Variants in CELF2 observed in about 807,000 individuals in gnomAD.
CELF2 encodes CUG triplet repeat RNA-binding protein 2.
In CELF2, 8 loss-of-function variants were observed where a neutral mutation model predicts 62.6. The ratio of observed to expected loss-of-function variants is 0.13; its 90% CI spans 0.07 to 0.23. The LOEUF (loss-of-function observed/expected upper bound fraction) is 0.23. Among genes scored for constraint, CELF2 ranks in the 10% least tolerant of loss-of-function variants. The probability of loss-of-function intolerance (pLI) is 1.00; values close to 1 mark genes in which losing one functional copy is unlikely to be tolerated. For missense variants in CELF2, 333 were observed against 671.0 expected (o/e 0.50, Z 5.56); for synonymous variants, 258 against 250.0 (o/e 1.03, Z -0.30).
chr10:11,041,471 G>T (rs1001737531), intron 1 of CELF2, among the ~76,000 whole-genome samples: 2 of 152,178 alleles, frequency 1.3e-5, no homozygotes, highest in African/African-American at 4.8e-5. Flanking sequence ...TTTAAACTCT[G>T]AGCAGGTTCA....
In CELF2 at chr10:11,306,216, G is replaced by A. The variant is rs1335459902; in HGVS notation, c.977-7923G>A. On this transcript the variant is annotated intron_variant, in intron 9 of 12. Transcript: ENST00000633077. The surrounding 1 kb of genome is among the most constrained non-coding windows in gnomAD (Gnocchi z 4.4). ...TGCTTGGATGGTGCAGCCTCTGCTT[G>A]AAGAGGTGTTCTGGGAGATTATGAA... 6.6e-6 allele frequency among the ~76,000 whole-genome samples: 1 copy of A among 151,934 alleles called. No individual in the cohort carries two copies. The highest frequency in any genetic ancestry group is 1.9e-4 in the East Asian group (1 of 5,158).
chr10:11,328,982 G>A lies in CELF2; in HGVS notation c.1495G>A (p.Gly499Ser). Residue 499 changes from glycine (G) to serine (S), a missense_variant, in exon 13 of 13, where the codon GGC becomes AGC. Around this residue, in one of 3 missense-constraint regions of CELF2, gnomAD observed 35 missense variants for 128.1 expected, o/e 0.27. Coordinates refer to ENST00000633077, the MANE Select transcript of CELF2 (RefSeq NM_001326342.2). The surrounding 1 kb of genome is among the most constrained non-coding windows in gnomAD (Gnocchi z 6.4). ...SAQAAIQAMN[G>S]FQIGMKRLKV... ...ACAAGCTGCTATCCAAGCTATGAAT[G>A]GCTTTCAGATCGGCATGAAACGCTT... is the stretch of plus-strand genomic sequence containing the variant. The A allele has an allele frequency of 1.9e-6, 3 of 1,613,798 alleles. No individual in the cohort carries two copies. The highest frequency in any genetic ancestry group is 2.5e-6 in the Non-Finnish European group (3 of 1,179,760).
At chr10:10,804,975 A>T (rs947611525) in intron 1 of CELF2, among the ~76,000 whole-genome samples, 1 of 152,228 alleles carries the variant, frequency 6.6e-6, no homozygotes, top group Non-Finnish European at 1.5e-5. Context: ...GGTTGCATGG[A>T]TGCTCTGCTT....
intron 2 of CELF2, among the ~76,000 whole-genome samples, chr10:11,202,901 ATCTCTCTCTCTCTCTCTCTCTCTCTC>A (rs56373613): frequency 1.4e-5 from 1 of 70,924 alleles, no homozygotes; most frequent in African/African-American, 6.3e-5. Flanking sequence ...CCCCATCCTC[ATCTCTCTCTCTCTCTCTCTCTCTCTC>A]TCTCTCTCTC....
At position 11,232,362 on chromosome 10, in the gene CELF2, A is replaced by G. The variant is rs569089978; in HGVS notation, c.354+14855A>G. Among the ~76,000 whole-genome samples the G allele has an allele frequency of 3.3e-5, 5 of 152,262 alleles. No homozygotes were observed. The East Asian group carries it at 9.6e-4, about 29-fold the overall frequency. On this transcript the variant is annotated intron_variant, in intron 3 of 12. Transcript: ENST00000633077. ...ACATTTTTGGAGACTCATAAGCCTC[A>G]TTGTTTTCTCATCAGTGACAACTTT...
chr10:10,635,504 C>G, the CELF2 span, among the ~76,000 whole-genome samples: 1 of 152,024 alleles, frequency 6.6e-6, no homozygotes. Context: ...GACTTTAACT[C>G]TAGATTAATT....
In CELF2 at chr10:11,311,780, AAC is replaced by A. The variant is rs1230606350; in HGVS notation, c.977-2357_977-2356del. 1.3e-5 allele frequency among the ~76,000 whole-genome samples: 2 copies of A among 152,200 alleles called. No homozygotes were observed. Among genetic ancestry groups the A allele is most frequent in the African/African-American group, 4.8e-5 (2 of 41,446 alleles). ...TTTTGGAGATGATGCCCAACCGAGA[AAC>A]AGAATATGAGAGGTGAAGTGACATG... On this transcript the variant is annotated intron_variant, in intron 9 of 12. Transcript: ENST00000633077. This position sits in a 1 kb window ranked among gnomAD's most constrained non-coding sequence, Gnocchi z 4.7.
chr10:10,601,455 A>G, the CELF2 span, among the ~76,000 whole-genome samples: 1 of 152,234 alleles, frequency 6.6e-6, no homozygotes, highest in African/African-American at 2.4e-5. Flanking sequence ...AACCTAGAAC[A>G]GCACAAAACA....
the CELF2 span, among the ~76,000 whole-genome samples, chr10:10,785,656 T>C: frequency 6.6e-6 from 1 of 152,170 alleles, no homozygotes; most frequent in Non-Finnish European, 1.5e-5. Flanking sequence ...CTCCCTTATA[T>C]GTGGAATCCA....
chr10:10,559,649 GA>G, the CELF2 span, among the ~76,000 whole-genome samples: 1 of 152,176 alleles, frequency 6.6e-6, no homozygotes, highest in Non-Finnish European at 1.5e-5. Context: ...TTATTATTTG[GA>G]AAGGGCCTTC....
chr10:10,519,705 C>G, the CELF2 span, among the ~76,000 whole-genome samples: 4 of 152,152 alleles, frequency 2.6e-5, no homozygotes, highest in African/African-American at 9.7e-5. Context: ...CAAGACTGGT[C>G]ATGGGTTGAA....
intron 2 of CELF2, among the ~76,000 whole-genome samples, chr10:10,980,955 T>C (rs956691386): frequency 3.9e-5 from 6 of 152,140 alleles, no homozygotes; most frequent in Non-Finnish European, 8.8e-5. Flanking sequence ...ACTCATTACC[T>C]GGCATGACAG....
At chr10:10,766,798 A>G in the CELF2 span, among the ~76,000 whole-genome samples, 1 of 152,242 alleles carries the variant, frequency 6.6e-6, no homozygotes, top group African/African-American at 2.4e-5. Context: ...TGCCACTTCA[A>G]TGGTGACTTC....
intron 1 of CELF2, among the ~76,000 whole-genome samples, chr10:10,861,939 A>G (rs2060066727): frequency 6.6e-6 from 1 of 152,198 alleles, no homozygotes; most frequent in South Asian, 2.1e-4. Flanking sequence ...GGCAGAGTCA[A>G]CCTATTTTCT....
intron 1 of CELF2, among the ~76,000 whole-genome samples, chr10:10,891,019 AAAAC>A (rs752034515): frequency 1.4e-5 from 2 of 138,048 alleles, no homozygotes; most frequent in African/African-American, 5.7e-5. Context: ...TCATCTCAAA[AAAAC>A]AAACAACAAC....
At chr10:10,655,816 G>A in the CELF2 span, among the ~76,000 whole-genome samples, 2 of 137,814 alleles carry the variant, frequency 1.5e-5, no homozygotes, top group African/African-American at 2.7e-5. Context: ...GCACAGGCAA[G>A]GACTTCATGT....
chr10:10,544,649 G>A, the CELF2 span, among the ~76,000 whole-genome samples: 9 of 152,226 alleles, frequency 5.9e-5, no homozygotes, highest in East Asian at 1.9e-4. Context: ...ATTAAGAAAC[G>A]AATAAGCCTA....
At chr10:10,752,314 TA>T in the CELF2 span, among the ~76,000 whole-genome samples, 1 of 152,212 alleles carries the variant, frequency 6.6e-6, no homozygotes, top group Admixed American at 6.5e-5. Context: ...AGCAAGTGGA[TA>T]GCTGCAGCTT....
At chr10:10,631,690 G>A in the CELF2 span, among the ~76,000 whole-genome samples, 12 of 152,178 alleles carry the variant, frequency 7.9e-5, no homozygotes, top group African/African-American at 2.7e-4. Flanking sequence ...TTGGAAGAGC[G>A]TCTGCATTTG....
Sources: gnomAD v4.1 joint callset for allele counts (sites outside exome capture counted in the v4.1 genomes callset) on GRCh38, gnomAD v4.1.1 for gene constraint, gnomAD v4.1.1 regional missense constraint, Gnocchi (gnomAD v3.1) non-coding constraint, MANE v1.5 for transcripts, NCBI Gene and HGNC (gene_info 2026-07-23, HGNC 2026-07-21) for gene names.